The following ZBTB20 variants were observed in gnomAD, a reference collection of about 807,000 sequenced individuals.
ZBTB20 encodes the protein zinc finger and BTB domain-containing protein 20.
In ZBTB20, 9 loss-of-function variants were observed where a neutral mutation model predicts 56.9. The observed-to-expected ratio is 0.16, with a 90% CI of 0.10 to 0.28. ZBTB20 has a LOEUF of 0.28. ZBTB20 is among the 10% of genes least tolerant of loss of function. The pLI is 1.00. For synonymous variants in ZBTB20, 417 were observed against 420.7 expected (o/e 0.99, Z 0.11); for missense variants, 655 against 1,003.0 (o/e 0.65, Z 4.69).
chr3:115,051,652 G>C (rs1298278521), intron 2 of ZBTB20, among the ~76,000 whole-genome samples: 1 of 152,120 alleles, frequency 6.6e-6, no homozygotes, highest in Non-Finnish European at 1.5e-5. Context: ...TAGGATCTTT[G>C]TGTTTGACAA....
intron 9 of ZBTB20, 84 bp from the exon 10 acceptor site, chr3:114,380,488 A>ATT (rs144598152): frequency 1.0e-4 from 136 of 1,342,940 alleles, no homozygotes; most frequent in South Asian, 5.2e-4. Flanking sequence ...AGATAACTTG[A>ATT]TTTTTTTTTT....
intron 5 of ZBTB20, among the ~76,000 whole-genome samples, chr3:114,694,698 G>T (rs113645052): frequency 2.6e-5 from 4 of 151,998 alleles, no homozygotes; most frequent in Non-Finnish European, 5.9e-5. Flanking sequence ...AGAATCATAA[G>T]TATCTAACAC....
intron 5 of ZBTB20, among the ~76,000 whole-genome samples, chr3:114,695,754 T>TA (rs2062968943): frequency 6.6e-6 from 1 of 152,096 alleles, no homozygotes; most frequent in African/African-American, 2.4e-5. Flanking sequence ...CAATGCACTT[T>TA]ACATGGTGCA....
chr3:114,719,583 C>T (rs1165387901), intron 5 of ZBTB20, among the ~76,000 whole-genome samples: 1 of 152,080 alleles, frequency 6.6e-6, no homozygotes, highest in Non-Finnish European at 1.5e-5. Context: ...AGTTCTAAGC[C>T]TTTATCTAAC....
chr3:114,880,245 A>ACGCAGAGT (rs1261390425), intron 4 of ZBTB20, among the ~76,000 whole-genome samples: 2 of 152,218 alleles, frequency 1.3e-5, no homozygotes, highest in Non-Finnish European at 2.9e-5. Flanking sequence ...CCAAGTTAGC[A>ACGCAGAGT]CGCAGAGTCC....
At chr3:114,983,228 T>C (rs2078400553) in intron 2 of ZBTB20, among the ~76,000 whole-genome samples, 1 of 152,006 alleles carries the variant, frequency 6.6e-6, no homozygotes, top group Admixed American at 6.6e-5. Flanking sequence ...GTAGCTGAAA[T>C]ATTTTCACAT....
At chr3:114,621,422 T>C (rs574432982) in intron 6 of ZBTB20, among the ~76,000 whole-genome samples, 1 of 152,300 alleles carries the variant, frequency 6.6e-6, no homozygotes, top group South Asian at 2.1e-4. Flanking sequence ...TATATGGTTG[T>C]GCGTATATGT....
chr3:115,126,236 A>G (rs2084329254), intron 1 of ZBTB20, among the ~76,000 whole-genome samples: 1 of 152,202 alleles, frequency 6.6e-6, no homozygotes, highest in South Asian at 2.1e-4. Context: ...GTCAACAGGG[A>G]TATTTTATAC....
Position 115,012,432 on chromosome 3 carries a change from C to T in ZBTB20, c.-506-38016G>A, listed in dbSNP as rs76229200. Among the ~76,000 whole-genome samples, 5 of 151,644 alleles carry T rather than the reference C, an allele frequency of 3.3e-5. No homozygotes were observed. In the East Asian group the frequency reaches 9.7e-4, roughly 30 times the overall value. On this transcript the variant is annotated intron_variant, in intron 2 of 11. Transcript: ENST00000675478. ...CAGGAGTTGCTACACTTAGACCAGG[C>T]AAAATAGATTCCAAGGATGAAAACT...
intron 11 of ZBTB20, among the ~76,000 whole-genome samples, chr3:114,341,598 T>C (rs1235958449): frequency 1.3e-5 from 2 of 152,264 alleles, no homozygotes; most frequent in Admixed American, 1.3e-4. Flanking sequence ...AAGACTTTAT[T>C]TTCACACTCT....
At chr3:114,460,173 C>CT (rs1431286617) in intron 7 of ZBTB20, among the ~76,000 whole-genome samples, 1 of 152,052 alleles carries the variant, frequency 6.6e-6, no homozygotes, top group Non-Finnish European at 1.5e-5. Context: ...CAGATCCCCT[C>CT]TTTTTTGGAC....
At position 114,696,041 on chromosome 3, in the gene ZBTB20, T is replaced by C. The variant is rs527355948; in HGVS notation, c.-342-2466A>G. On this transcript the variant is annotated intron_variant, in intron 5 of 11. Transcript: ENST00000675478. ...TATATACTAGCTTAGTCATTATTCA[T>C]ATTAAGATCAGAAAAGATTTCCGCA... Among the ~76,000 whole-genome samples the C allele has an allele frequency of 9.3e-4, 141 of 152,186 alleles. 1 individual carries two copies. The highest frequency in any genetic ancestry group is 3.2e-3 in the African/African-American group (131 of 41,544).
chr3:114,457,401 C>T (rs2092085482), intron 7 of ZBTB20, among the ~76,000 whole-genome samples: 1 of 152,034 alleles, frequency 6.6e-6, no homozygotes, highest in African/African-American at 2.4e-5. Flanking sequence ...TATGGATGTG[C>T]TGAGTGTGTT....
At chr3:114,901,197 G>A (rs2075104709) in intron 3 of ZBTB20, among the ~76,000 whole-genome samples, 1 of 151,766 alleles carries the variant, frequency 6.6e-6, no homozygotes, top group Admixed American at 6.6e-5. Flanking sequence ...CTGAGGTCAG[G>A]AGTTCGAGAC....
At chr3:114,835,282 C>A (rs772964682) in intron 4 of ZBTB20, among the ~76,000 whole-genome samples, 1 of 152,076 alleles carries the variant, frequency 6.6e-6, no homozygotes, top group African/African-American at 2.4e-5. Context: ...TGTATCTTTA[C>A]AATTCTCAAC....
chr3:115,106,273 G>A (rs1407068386), intron 1 of ZBTB20, among the ~76,000 whole-genome samples: 19 of 133,682 alleles, frequency 1.4e-4, no homozygotes, highest in South Asian at 2.3e-4. Context: ...TCACTCTGTC[G>A]CCCAGGCTGT....
At position 114,329,786 on chromosome 3, in the gene ZBTB20, A is replaced by C. The variant is rs2108037035; in HGVS notation, c.*9219T>G. On this transcript the variant is annotated 3_prime_UTR_variant, in exon 12 of 12. Transcript: ENST00000675478. ...ATATTGCCAAGCTGCCTCCAGGGAAAGGTTGAAGACTAGTTAAAATAATTC... is the reference window on the plus strand; with the variant it reads ...ATATTGCCAAGCTGCCTCCAGGGAACGGTTGAAGACTAGTTAAAATAATTC... 1 of 151,490 alleles carries C rather than the reference A, an allele frequency of 6.6e-6. No individual in the cohort carries two copies. Among genetic ancestry groups the C allele is most frequent in the South Asian group, 2.1e-4 (1 of 4,746 alleles). 9.4% of individuals were successfully genotyped at this position (151,490 alleles called of 1,614,324 possible).
chr3:114,735,777 T>C lies in ZBTB20; in HGVS notation c.-342-42202A>G, dbSNP rs1221417680. Among the ~76,000 whole-genome samples, 4 of 152,176 alleles carry C rather than the reference T, an allele frequency of 2.6e-5. No individual in the cohort carries two copies. The South Asian group carries it at 6.2e-4, about 24-fold the overall frequency. On this transcript the variant is annotated intron_variant, in intron 5 of 11. Coordinates refer to ENST00000675478, the MANE Select transcript of ZBTB20 (RefSeq NM_001348800.3). ...TTTATTTTTCAATCAAAATATATTA[T>C]ATTGAAAGACTTCAGAAGATTTTTT... is the stretch of plus-strand genomic sequence containing the variant.
At chr3:114,526,030 C>T (rs904716585) in intron 6 of ZBTB20, among the ~76,000 whole-genome samples, 14 of 152,154 alleles carry the variant, frequency 9.2e-5, no homozygotes, top group Non-Finnish European at 1.9e-4. Flanking sequence ...CATCATCCTC[C>T]TTGATTGTTT....
Sources: gnomAD v4.1 joint callset for allele counts (sites outside exome capture counted in the v4.1 genomes callset) on GRCh38, gnomAD v4.1.1 for gene constraint, MANE v1.5 for transcripts, NCBI Gene and HGNC (gene_info 2026-07-23, HGNC 2026-07-21) for gene names.